The following RBFOX1 variants were observed in gnomAD, a reference collection of about 807,000 sequenced individuals.
The protein encoded by RBFOX1 is RNA binding fox-1 homolog 1.
In RBFOX1, 8 loss-of-function variants were observed where a neutral mutation model predicts 57.7. The ratio of observed to expected loss-of-function variants is 0.14; its 90% CI spans 0.08 to 0.25. RBFOX1 has a LOEUF of 0.25. Among genes scored for constraint, RBFOX1 ranks in the 10% least tolerant of loss-of-function variants. The probability of loss-of-function intolerance (pLI) is 1.00; values close to 1 mark genes in which losing one functional copy is unlikely to be tolerated. For missense variants in RBFOX1, 611 were observed against 548.5 expected (o/e 1.11, Z -1.14); for synonymous variants, 326 against 222.4 (o/e 1.47, Z -4.15).
intron 3 of RBFOX1, among the ~76,000 whole-genome samples, chr16:5,721,684 A>G (rs2051941200): frequency 1.3e-5 from 2 of 152,234 alleles, no homozygotes; most frequent in African/African-American, 2.4e-5. Flanking sequence ...AAAGGTTGCT[A>G]GGTTTTGCCA....
chr16:7,601,747 C>G (rs534530747), intron 9 of RBFOX1, among the ~76,000 whole-genome samples: 1 of 152,244 alleles, frequency 6.6e-6, no homozygotes, highest in African/African-American at 2.4e-5. Flanking sequence ...TGCAGTAGCC[C>G]TTGACCACCT....
chr16:5,409,731 C>G (rs1344825075), intron 1 of RBFOX1, among the ~76,000 whole-genome samples: 2 of 151,854 alleles, frequency 1.3e-5, no homozygotes, highest in Admixed American at 1.3e-4. Context: ...TGTCTGTGCT[C>G]TAAGTATTCC....
chr16:6,252,158 C>G (rs1003276819), intron 1 of RBFOX1, among the ~76,000 whole-genome samples: 1 of 152,086 alleles, frequency 6.6e-6, no homozygotes, highest in Non-Finnish European at 1.5e-5. Flanking sequence ...TTATCTGTAC[C>G]TGTCTTTGGT....
At chr16:5,765,243 C>T (rs2053734438) in intron 3 of RBFOX1, among the ~76,000 whole-genome samples, 1 of 152,172 alleles carries the variant, frequency 6.6e-6, no homozygotes, top group Admixed American at 6.5e-5. Flanking sequence ...CCAAACCCAA[C>T]AAGAACAGGG....
chr16:7,652,454 C>G (rs972860571), intron 11 of RBFOX1, among the ~76,000 whole-genome samples: 2 of 152,210 alleles, frequency 1.3e-5, no homozygotes, highest in African/African-American at 4.8e-5. Context: ...GTCACTCAGG[C>G]TGGAATGCAG....
At chr16:6,918,711 C>G (rs968315508) in intron 3 of RBFOX1, among the ~76,000 whole-genome samples, 2 of 152,212 alleles carry the variant, frequency 1.3e-5, no homozygotes, top group Non-Finnish European at 2.9e-5. Flanking sequence ...AAATCATTCT[C>G]TGCCTTCCGA....
chr16:5,568,677 A>G (rs982070284), intron 2 of RBFOX1, among the ~76,000 whole-genome samples: 42 of 152,138 alleles, frequency 2.8e-4, no homozygotes, highest in Admixed American at 2.7e-3. Context: ...CTATGCCAGC[A>G]TGGGCTTTCT....
At chr16:6,120,789 G>T (rs956752568) in intron 1 of RBFOX1, among the ~76,000 whole-genome samples, 4 of 151,992 alleles carry the variant, frequency 2.6e-5, no homozygotes, top group Non-Finnish European at 5.9e-5. Context: ...CTCTTTGTAA[G>T]ACGTCAGTTC....
chr16:5,783,024 A>G (rs976188271), intron 3 of RBFOX1, among the ~76,000 whole-genome samples: 17 of 152,254 alleles, frequency 1.1e-4, no homozygotes, highest in East Asian at 5.8e-4. Flanking sequence ...CATCCCCCCA[A>G]ACACCCTCAT....
intron 1 of RBFOX1, among the ~76,000 whole-genome samples, chr16:5,391,374 G>T (rs546485003): frequency 6.6e-6 from 1 of 152,034 alleles, no homozygotes; most frequent in Non-Finnish European, 1.5e-5. Flanking sequence ...TCTTTGAGAG[G>T]CTGCCTGCAT....
chr16:5,308,073 C>T (rs1043401363), intron 1 of RBFOX1, among the ~76,000 whole-genome samples: 2 of 152,158 alleles, frequency 1.3e-5, no homozygotes, highest in East Asian at 3.9e-4. Flanking sequence ...GGTGTAGTGG[C>T]TCACGCTTGT....
intron 2 of RBFOX1, among the ~76,000 whole-genome samples, chr16:6,492,961 G>C (rs1372059245): frequency 6.6e-6 from 1 of 152,252 alleles, no homozygotes; most frequent in East Asian, 1.9e-4. Flanking sequence ...TAGCTGTGCA[G>C]TATGACTAAG....
intron 3 of RBFOX1, among the ~76,000 whole-genome samples, chr16:6,877,303 GT>G: frequency 6.6e-6 from 1 of 152,308 alleles, no homozygotes; most frequent in East Asian, 1.9e-4. Context: ...CTTCTATCTA[GT>G]TTTATGTGTG....
At chr16:7,290,640 G>C (rs1377730787) in intron 4 of RBFOX1, among the ~76,000 whole-genome samples, 1 of 152,192 alleles carries the variant, frequency 6.6e-6, no homozygotes, top group Non-Finnish European at 1.5e-5. Flanking sequence ...TATTTAACAA[G>C]CATCCACTAC....
chr16:5,687,804 T>A (rs923291053), intron 3 of RBFOX1, among the ~76,000 whole-genome samples: 1 of 152,146 alleles, frequency 6.6e-6, no homozygotes, highest in Admixed American at 6.6e-5. Flanking sequence ...AAGTACCGGG[T>A]ATGTATGGTC....
chr16:7,313,636 A>G (rs556509195), intron 4 of RBFOX1, among the ~76,000 whole-genome samples: 13 of 152,176 alleles, frequency 8.5e-5, no homozygotes, highest in African/African-American at 2.9e-4. Flanking sequence ...GAAATAATCA[A>G]TAACTTTTAT....
chr16:6,900,984 C>T (rs770867075), intron 3 of RBFOX1, among the ~76,000 whole-genome samples: 1 of 152,146 alleles, frequency 6.6e-6, no homozygotes. Flanking sequence ...CCATAACGTT[C>T]ATTAGAACTA....
intron 3 of RBFOX1, among the ~76,000 whole-genome samples, chr16:6,969,294 C>T (rs1400419239): frequency 2.0e-5 from 3 of 152,262 alleles, no homozygotes; most frequent in South Asian, 2.1e-4. Context: ...AGTTACTCAA[C>T]GAATCCTATT....
Position 5,842,069 on chromosome 16 carries a change from G to T in RBFOX1, c.319-25234G>T, listed in dbSNP as rs141403297. The stretch of plus-strand genomic sequence containing the variant: ...GCCTGCAGGTAGATGGTGAATCTCT[G>T]CCCTGAATCATGGATTTTGTGTGTC... On this transcript the variant is annotated intron_variant, in intron 3 of 19. Transcript: ENST00000641259. 5.9e-3 allele frequency among the ~76,000 whole-genome samples: 892 copies of T among 152,280 alleles called. 3 individuals carry two copies. The highest frequency in any genetic ancestry group is 8.7e-3 in the Non-Finnish European group (593 of 68,026).
Sources: allele counts gnomAD v4.1 joint callset (sites outside exome capture counted in the v4.1 genomes callset), GRCh38; gene constraint gnomAD v4.1.1; transcripts MANE v1.5; gene names NCBI Gene and HGNC (gene_info 2026-07-23, HGNC 2026-07-21).